Variants in TRDN observed in about 807,000 individuals in gnomAD.
The protein encoded by TRDN is triadin.
In TRDN, 161 loss-of-function variants were observed where a neutral mutation model predicts 149.7. The ratio of observed to expected loss-of-function variants is 1.08; its 90% CI spans 0.95 to 1.23. TRDN has a LOEUF of 1.23. Among genes scored for constraint, TRDN ranks in the 50% most tolerant of loss-of-function variants. TRDN has a pLI of 0.00. For missense variants in TRDN, 896 were observed against 823.5 expected (o/e 1.09, Z -1.08); for synonymous variants, 294 against 250.5 (o/e 1.17, Z -1.64).
rs1776685598 is a variant in TRDN, at chr6:123,259,536, T to C, written c.1870+88A>G. The C allele has an allele frequency of 2.3e-5, 20 of 877,924 alleles. No individual in the cohort carries two copies. In the South Asian group the frequency reaches 3.0e-4, roughly 13 times the overall value. The allele number at this position is 877,924 out of a possible 1,614,324, so 54.4% of individuals were successfully genotyped here. ...GTGTCTTCATTTTCATCAACTGTTT[T>C]TAAATCATATAATTTGTATAAATTT... is the stretch of plus-strand genomic sequence containing the variant. On this transcript the variant is annotated intron_variant, in intron 35 of 40. Coordinates refer to ENST00000334268, the MANE Select transcript of TRDN (RefSeq NM_006073.4).
At chr6:123,608,710 CAT>C (rs1784639189) in intron 1 of TRDN, among the ~76,000 whole-genome samples, 1 of 152,102 alleles carries the variant, frequency 6.6e-6, no homozygotes, top group Non-Finnish European at 1.5e-5. Context: ...TGAAGATTAA[CAT>C]ATTGAATATG....
chr6:123,633,610 C>T (rs555175837), intron 1 of TRDN, among the ~76,000 whole-genome samples: 8 of 152,136 alleles, frequency 5.3e-5, no homozygotes, highest in South Asian at 4.1e-4. Context: ...GTTATCATTG[C>T]TGTTATAATT....
At position 123,512,357 on chromosome 6, in the gene TRDN, G is replaced by A. The variant is rs1424852811; in HGVS notation, c.556C>T (p.His186Tyr). Residue 186 changes from histidine (H) to tyrosine (Y), a missense_variant, in exon 7 of 41, where the codon CAC becomes TAC. His to Tyr is a moderately conservative substitution (Grantham distance 83). Transcript: ENST00000334268. ...TCTTTTTTCTCAATTTTTTCCTTGT[G>A]AGTTGCTTAAACAGAAAATTTTACA... ...EKEKPEKKAT[H>Y]KEKIEKKEKP... 1 of 1,499,554 alleles carries A rather than the reference G, an allele frequency of 6.7e-7. No homozygotes were observed. The highest frequency in any genetic ancestry group is 1.2e-5 in the South Asian group (1 of 82,186). 92.9% of individuals were successfully genotyped at this position (1,499,554 alleles called of 1,614,324 possible).
intron 4 of TRDN, among the ~76,000 whole-genome samples, chr6:123,545,530 A>G (rs1781068259): frequency 6.6e-6 from 1 of 151,912 alleles, no homozygotes; most frequent in South Asian, 2.1e-4. Flanking sequence ...AAGATAGAGC[A>G]TCTGAGATTT....
intron 15 of TRDN, among the ~76,000 whole-genome samples, chr6:123,381,916 G>T (rs556374822): frequency 6.6e-6 from 1 of 151,374 alleles, no homozygotes; most frequent in South Asian, 2.1e-4. Flanking sequence ...CCATTACTGC[G>T]AAATACTTCT....
chr6:123,456,926 C>T (rs1776161178), intron 10 of TRDN: 1 of 448,390 alleles, frequency 2.2e-6, no homozygotes. Context: ...GTCAAACAGA[C>T]CAGATCGCAA....
At chr6:123,615,448 G>T (rs1382342162) in intron 1 of TRDN, among the ~76,000 whole-genome samples, 1 of 152,012 alleles carries the variant, frequency 6.6e-6, no homozygotes, top group Non-Finnish European at 1.5e-5. Context: ...GTATGCGTCT[G>T]TGTGTGTATA....
chr6:123,349,981 C>A, intron 21 of TRDN: 1 of 985,320 alleles, frequency 1.0e-6, no homozygotes, highest in Non-Finnish European at 1.2e-6. Flanking sequence ...AGAAACTCTT[C>A]AAGTGGACAC....
At chr6:123,486,237 T>A (rs996951228) in intron 9 of TRDN, among the ~76,000 whole-genome samples, 4 of 151,468 alleles carry the variant, frequency 2.6e-5, no homozygotes, top group African/African-American at 9.7e-5. Flanking sequence ...GGTTTTGGGT[T>A]CTCTTGGTGT....
At chr6:123,428,415 A>G (rs1562308352) in intron 12 of TRDN, among the ~76,000 whole-genome samples, 2 of 152,180 alleles carry the variant, frequency 1.3e-5, no homozygotes, top group African/African-American at 4.8e-5. Flanking sequence ...TGGCCAATTT[A>G]CAGCTACATA....
intron 23 of TRDN, among the ~76,000 whole-genome samples, chr6:123,318,914 T>G (rs576166056): frequency 2.0e-5 from 3 of 152,208 alleles, no homozygotes; most frequent in South Asian, 4.1e-4. Flanking sequence ...GCCCTCTTAC[T>G]AGAATAGAAC....
intron 24 of TRDN, among the ~76,000 whole-genome samples, chr6:123,293,801 T>C (rs1011680466): frequency 6.9e-6 from 1 of 145,446 alleles, no homozygotes; most frequent in Non-Finnish European, 1.5e-5. Flanking sequence ...AGCTTTCCCC[T>C]GTACATCAAA....
At chr6:123,239,538 C>G (rs561873875) in intron 38 of TRDN, among the ~76,000 whole-genome samples, 2 of 152,170 alleles carry the variant, frequency 1.3e-5, no homozygotes, top group South Asian at 2.1e-4. Flanking sequence ...AAAGAAAACA[C>G]TTTTCCTGTG....
rs867977228 is a variant in TRDN, at chr6:123,335,028, T to C, written c.1420+2591A>G. 2.0e-4 allele frequency among the ~76,000 whole-genome samples: 30 copies of C among 152,164 alleles called. 1 individual carries two copies. The South Asian group carries it at 2.5e-3, about 13-fold the overall frequency. On this transcript the variant is annotated intron_variant, in intron 22 of 40. Coordinates refer to ENST00000334268, the MANE Select transcript of TRDN (RefSeq NM_006073.4). ...TTTAGCAAGTGAAATTGCTGCATTC[T>C]GATTCTGCCACAGCTTAGCAGCAGG... is the stretch of plus-strand genomic sequence containing the variant.
chr6:123,451,172 A>G (rs1432415599), intron 10 of TRDN, among the ~76,000 whole-genome samples: 1 of 152,164 alleles, frequency 6.6e-6, no homozygotes, highest in Admixed American at 6.5e-5. Flanking sequence ...TTGACTTCTA[A>G]GGTCACACCT....
At chr6:123,367,584 A>T (rs1185061277) in intron 19 of TRDN, among the ~76,000 whole-genome samples, 2 of 152,246 alleles carry the variant, frequency 1.3e-5, no homozygotes, top group African/African-American at 4.8e-5. Flanking sequence ...AGCTATCTCA[A>T]TACCCTGGGC....
intron 1 of TRDN, among the ~76,000 whole-genome samples, chr6:123,627,075 C>T (rs1488026823): frequency 6.6e-6 from 1 of 151,786 alleles, no homozygotes; most frequent in African/African-American, 2.4e-5. Context: ...ATTACAGGTG[C>T]CTGCCACCAC....
intron 26 of TRDN, among the ~76,000 whole-genome samples, chr6:123,276,853 A>T (rs1582812328): frequency 6.6e-6 from 1 of 152,172 alleles, no homozygotes; most frequent in Non-Finnish European, 1.5e-5. Flanking sequence ...ACTCCAGAGA[A>T]AAGCCATGAA....
In TRDN at chr6:123,564,324, T is replaced by G. The variant is rs372964359; in HGVS notation, c.232+6599A>C. Among the ~76,000 whole-genome samples, 75 of 152,302 alleles carry G rather than the reference T, an allele frequency of 4.9e-4. No homozygotes were observed. In the East Asian group the frequency reaches 9.3e-3, roughly 19 times the overall value. ...GTGCTCCTTGAAAACTCAGTACACATGAGAGTTGATAGAGTCCTAAATGTT... is the reference window on the plus strand; with the variant it reads ...GTGCTCCTTGAAAACTCAGTACACAGGAGAGTTGATAGAGTCCTAAATGTT... On this transcript the variant is annotated intron_variant, in intron 2 of 40. Coordinates refer to ENST00000334268, the MANE Select transcript of TRDN (RefSeq NM_006073.4).
Sources: gnomAD v4.1 joint callset for allele counts (sites outside exome capture counted in the v4.1 genomes callset) on GRCh38, gnomAD v4.1.1 for gene constraint, MANE v1.5 for transcripts, NCBI Gene and HGNC (gene_info 2026-07-23, HGNC 2026-07-21) for gene names.